Variants in HHIPL1 observed in about 807,000 individuals in gnomAD.
HHIPL1 encodes HHIP like 1.
A neutral mutation model predicts 61.8 loss-of-function variants in HHIPL1; 43 were observed. The observed-to-expected ratio is 0.70, with a 90% CI of 0.55 to 0.90. The LOEUF is 0.90. Among genes scored for constraint, HHIPL1 ranks in the 40% least tolerant of loss-of-function variants. HHIPL1 has a pLI of 0.00. For missense variants in HHIPL1, 1,056 were observed against 1,157.7 expected (o/e 0.91, Z 1.28); for synonymous variants, 482 against 515.8 (o/e 0.93, Z 0.89).
the HHIPL1 span, among the ~76,000 whole-genome samples, chr14:99,624,521 C>T: frequency 2.0e-5 from 3 of 152,198 alleles, no homozygotes; most frequent in African/African-American, 7.2e-5. Flanking sequence ...CCAACCTAGG[C>T]ACACCCCACC....
chr14:99,628,059 G>C, the HHIPL1 span, among the ~76,000 whole-genome samples: 1 of 152,304 alleles, frequency 6.6e-6, no homozygotes, highest in South Asian at 2.1e-4. Flanking sequence ...GGCCATGAGG[G>C]ACTGCTGTGA....
chr14:99,668,778 G>A lies in HHIPL1; in HGVS notation c.1730+475G>A. Reference sequence around the variant, plus strand: ...CTCCTGTGGTCCATCTTCCACTGGGGAAAACACATTGGGGCTCCCTTCGCC... The same window carrying A: ...CTCCTGTGGTCCATCTTCCACTGGGAAAAACACATTGGGGCTCCCTTCGCC... On this transcript the variant is annotated intron_variant, in intron 7 of 8. Transcript: ENST00000330710. This position sits in a 1 kb window ranked among gnomAD's most constrained non-coding sequence, Gnocchi z 4.7. The A allele has an allele frequency of 1.2e-6, 2 of 1,604,668 alleles. No individual in the cohort carries two copies. The highest frequency in any genetic ancestry group is 2.2e-5 in the East Asian group (1 of 44,826).
chr14:99,606,554 G>T, the HHIPL1 span, among the ~76,000 whole-genome samples: 1 of 152,354 alleles, frequency 6.6e-6, no homozygotes, highest in African/African-American at 2.4e-5. Context: ...ATGGCTCCTG[G>T]TGGTTCCTGG....
chr14:99,635,343 G>T, the HHIPL1 span, among the ~76,000 whole-genome samples: 25 of 152,110 alleles, frequency 1.6e-4, no homozygotes, highest in South Asian at 6.2e-4. Flanking sequence ...TAATCTCACA[G>T]TGTAGGGAGT....
chr14:99,613,269 T>G, the HHIPL1 span, among the ~76,000 whole-genome samples: 16 of 138,028 alleles, frequency 1.2e-4, no homozygotes, highest in Admixed American at 2.8e-4. Flanking sequence ...TGTTTTTTAG[T>G]TTTTTTTTTT....
the HHIPL1 span, among the ~76,000 whole-genome samples, chr14:99,637,175 AGAAAGAAAGAATGGAAGAAAGAAAGG>A: frequency 4.3e-4 from 55 of 127,668 alleles, no homozygotes; most frequent in South Asian, 8.2e-4. Context: ...AGAAAAAGAA[AGAAAGAAAGAATGGAAGAAAGAAAGG>A]AAGAAAGAAA....
intron 4 of HHIPL1, 93 bp downstream of exon 4, chr14:99,659,849 C>CCCT: frequency 1.9e-6 from 1 of 530,260 alleles, no homozygotes; most frequent in Non-Finnish European, 2.8e-6. Flanking sequence ...AGACCGCACC[C>CCCT]CCCCCCCCCC....
chr14:99,668,374 C>T lies in HHIPL1; in HGVS notation c.1730+71C>T. On this transcript the variant is annotated intron_variant, in intron 7 of 8. Coordinates refer to ENST00000330710, the MANE Select transcript of HHIPL1 (RefSeq NM_001127258.3). This position sits in a 1 kb window ranked among gnomAD's most constrained non-coding sequence, Gnocchi z 4.7. ...CCTCTTAGCTCCACGGGCTTGTCCCCTCCGCCTCGCCCTCAGGTGGGTGGT... is the reference window on the plus strand; with the variant it reads ...CCTCTTAGCTCCACGGGCTTGTCCCTTCCGCCTCGCCCTCAGGTGGGTGGT... The T allele has an allele frequency of 1.1e-6, 1 of 910,106 alleles. No individual in the cohort carries two copies. 56.4% of individuals were successfully genotyped at this position (910,106 alleles called of 1,614,324 possible).
chr14:99,656,870 AGGAAGGAAGGAAGGAAGGAAGGAAG>A (rs1566810099), intron 2 of HHIPL1, 105 bp from the exon 3 acceptor site: 4,925 of 78,774 alleles, frequency 0.063, 1,324 homozygotes, highest in African/African-American at 0.1. Flanking sequence ...GAAGGAAGGA[AGGAAGGAAGGAAGGAAGGAAGGAAG>A]GTCTTTTCCA....
chr14:99,618,500 G>T, the HHIPL1 span, among the ~76,000 whole-genome samples: 27,003 of 152,172 alleles, frequency 0.18, 2,858 homozygotes, highest in African/African-American at 0.29. Flanking sequence ...GCCTGGCAGG[G>T]ACATGAGCTT....
At chr14:99,638,821 A>ACCTTCGG in the HHIPL1 span, among the ~76,000 whole-genome samples, 6 of 152,152 alleles carry the variant, frequency 3.9e-5, no homozygotes, top group Non-Finnish European at 8.8e-5. Context: ...AGTGTGAGGC[A>ACCTTCGG]CCTTCGGCCC....
intron 2 of HHIPL1, 116 bp from the exon 3 acceptor site, chr14:99,656,884 G>A (rs375274348): frequency 0.47 from 5,361 of 11,366 alleles, 1,061 homozygotes; most frequent in Middle Eastern, 0.55. Context: ...AGGAAGGAAG[G>A]AAGGAAGGAA....
At chr14:99,671,017 C>A (rs181590267) in intron 7 of HHIPL1, among the ~76,000 whole-genome samples, 1 of 152,152 alleles carries the variant, frequency 6.6e-6, no homozygotes. Flanking sequence ...GGGACCCCAA[C>A]GAGACTTAAG....
the HHIPL1 span, among the ~76,000 whole-genome samples, chr14:99,638,314 C>T: frequency 3.9e-5 from 6 of 152,226 alleles, no homozygotes; most frequent in Non-Finnish European, 5.9e-5. Flanking sequence ...AACACCTTGG[C>T]GGTTCTTCTC....
chr14:99,651,889 G>T (rs1378124264), intron 1 of HHIPL1, among the ~76,000 whole-genome samples: 1 of 152,206 alleles, frequency 6.6e-6, no homozygotes, highest in Non-Finnish European at 1.5e-5. Context: ...GCAGTGAGCT[G>T]TGCTGATGTA....
At position 99,668,617 on chromosome 14, in the gene HHIPL1, C is replaced by T. The variant is rs2056285377; in HGVS notation, c.1730+314C>T. Among the ~76,000 whole-genome samples, 1 of 152,162 alleles carries T rather than the reference C, an allele frequency of 6.6e-6. No individual in the cohort carries two copies. The highest frequency in any genetic ancestry group is 1.5e-5 in the Non-Finnish European group (1 of 68,012). On this transcript the variant is annotated intron_variant, in intron 7 of 8. Coordinates refer to ENST00000330710, the MANE Select transcript of HHIPL1 (RefSeq NM_001127258.3). This position sits in a 1 kb window ranked among gnomAD's most constrained non-coding sequence, Gnocchi z 4.7. ...TGGCCCGCCCTCCCTGCGTCTTCCT[C>T]CTGTCTAGCAGGCCCCTCATTCCTC... is the stretch of plus-strand genomic sequence containing the variant.
At chr14:99,638,003 C>T in the HHIPL1 span, among the ~76,000 whole-genome samples, 9 of 152,166 alleles carry the variant, frequency 5.9e-5, no homozygotes, top group Non-Finnish European at 1.5e-5. Context: ...ATTTCAGACA[C>T]CTAAAGGGAG....
At chr14:99,652,933 G>A (rs1040707619) in intron 2 of HHIPL1, 63 bp downstream of exon 2, 3 of 1,455,878 alleles carry the variant, frequency 2.1e-6, no homozygotes, top group Non-Finnish European at 2.8e-6. Context: ...TGGTGTGACA[G>A]GACCAGTTGG....
In HHIPL1 at chr14:99,660,602, A is replaced by C. The variant is rs1001450387; in HGVS notation, c.1502+196A>C. Among the ~76,000 whole-genome samples, 8 of 152,128 alleles carry C rather than the reference A, an allele frequency of 5.3e-5. No individual in the cohort carries two copies. Among genetic ancestry groups the C allele is most frequent in the Non-Finnish European group, 8.8e-5 (6 of 67,994 alleles). ...GAGATGTATGGTGAGCCTTTGCTGC[A>C]GGCCTCAGTACCTCTATGATAGACA... On this transcript the variant is annotated intron_variant, in intron 5 of 8. Coordinates refer to ENST00000330710, the MANE Select transcript of HHIPL1 (RefSeq NM_001127258.3). This position sits in a 1 kb window ranked among gnomAD's most constrained non-coding sequence, Gnocchi z 4.9.
Sources: allele counts gnomAD v4.1 joint callset (sites outside exome capture counted in the v4.1 genomes callset), GRCh38; gene constraint gnomAD v4.1.1; non-coding constraint Gnocchi (gnomAD v3.1); transcripts MANE v1.5; gene names NCBI Gene and HGNC (gene_info 2026-07-23, HGNC 2026-07-21).